CTNND2: variants seen among roughly 807,000 people sequenced by gnomAD.
The protein encoded by CTNND2 is catenin delta 2, also known as catenin delta-2.
A neutral mutation model predicts 144.4 loss-of-function variants in CTNND2; 22 were observed. The observed-to-expected ratio is 0.15, with a 90% CI of 0.11 to 0.22. CTNND2 has a LOEUF of 0.22. Ranked by LOEUF, CTNND2 falls within the 10% of genes least tolerant of loss-of-function variation. CTNND2 has a pLI of 1.00. For missense variants in CTNND2, 1,353 were observed against 1,618.8 expected (o/e 0.84, Z 2.82); for synonymous variants, 751 against 695.6 (o/e 1.08, Z -1.25).
chr5:11,668,960 A>G (rs35955004), intron 2 of CTNND2, among the ~76,000 whole-genome samples: 15,626 of 152,048 alleles, frequency 0.1, 969 homozygotes, highest in African/African-American at 0.16. Flanking sequence ...GTTTATTGAG[A>G]GTTTTAGTAG....
intron 11 of CTNND2, among the ~76,000 whole-genome samples, chr5:11,160,143 TG>T (rs1445347512): frequency 6.6e-6 from 1 of 152,240 alleles, no homozygotes; most frequent in Non-Finnish European, 1.5e-5. Context: ...AGAGCATCTT[TG>T]TCTTACCCAA....
intron 7 of CTNND2, among the ~76,000 whole-genome samples, chr5:11,381,981 A>G (rs912027299): frequency 1.3e-4 from 12 of 91,480 alleles, no homozygotes; most frequent in Non-Finnish European, 2.4e-5. Flanking sequence ...AAACAAAAAA[A>G]CAAAACAAAA....
chr5:11,006,538 C>T (rs190167928), intron 18 of CTNND2, among the ~76,000 whole-genome samples: 29 of 152,308 alleles, frequency 1.9e-4, no homozygotes, highest in African/African-American at 4.3e-4. Context: ...AATAAACTTT[C>T]GTGTAGTTGG....
chr5:11,112,850 T>C (rs1315998743), intron 13 of CTNND2, among the ~76,000 whole-genome samples: 1 of 152,074 alleles, frequency 6.6e-6, no homozygotes, highest in Non-Finnish European at 1.5e-5. Context: ...ATATTAACAG[T>C]ATCATGTACA....
intron 2 of CTNND2, among the ~76,000 whole-genome samples, chr5:11,630,286 C>A (rs1383991190): frequency 6.6e-6 from 1 of 152,168 alleles, no homozygotes; most frequent in Non-Finnish European, 1.5e-5. Context: ...TTGTGATCTG[C>A]AGGAGGATGT....
At chr5:11,861,744 T>C (rs1795513888) in intron 1 of CTNND2, among the ~76,000 whole-genome samples, 2 of 152,194 alleles carry the variant, frequency 1.3e-5, no homozygotes, top group Non-Finnish European at 2.9e-5. Flanking sequence ...CAGAGTCCAC[T>C]TGATGTGTTC....
chr5:11,445,333 A>G (rs989368049), intron 3 of CTNND2, among the ~76,000 whole-genome samples: 3 of 152,162 alleles, frequency 2.0e-5, no homozygotes, highest in Admixed American at 2.0e-4. Context: ...ATCTCATCCT[A>G]ACTTGATTAC....
intron 1 of CTNND2, among the ~76,000 whole-genome samples, chr5:11,835,297 CAG>C (rs924874786): frequency 6.6e-6 from 1 of 152,154 alleles, no homozygotes; most frequent in Non-Finnish European, 1.5e-5. Flanking sequence ...GAGTTGGTAT[CAG>C]GGTAATGTGG....
intron 5 of CTNND2, among the ~76,000 whole-genome samples, chr5:11,402,125 AAAC>A (rs1214463456): frequency 2.4e-4 from 37 of 152,240 alleles, no homozygotes; most frequent in African/African-American, 8.7e-4. Context: ...GCATGCAATA[AAAC>A]AACAACAACA....
intron 16 of CTNND2, among the ~76,000 whole-genome samples, chr5:11,035,802 G>A (rs1031563877): frequency 6.6e-6 from 1 of 150,982 alleles, no homozygotes; most frequent in Non-Finnish European, 1.5e-5. Context: ...GAAAGGTTGA[G>A]AAGAAGTGAA....
intron 2 of CTNND2, among the ~76,000 whole-genome samples, chr5:11,568,589 T>A (rs1442388566): frequency 6.6e-6 from 1 of 152,226 alleles, no homozygotes; most frequent in African/African-American, 2.4e-5. Context: ...ATTTTTCAAC[T>A]GAGGATTAAT....
At chr5:11,169,516 A>C (rs1321213703) in intron 11 of CTNND2, among the ~76,000 whole-genome samples, 1 of 152,200 alleles carries the variant, frequency 6.6e-6, no homozygotes, top group Non-Finnish European at 1.5e-5. Flanking sequence ...AAGGGTATTG[A>C]GCTGTTTACA....
intron 16 of CTNND2, among the ~76,000 whole-genome samples, chr5:11,056,514 C>T (rs1353159703): frequency 6.6e-6 from 1 of 152,142 alleles, no homozygotes; most frequent in Non-Finnish European, 1.5e-5. Flanking sequence ...ACAGGGGTCT[C>T]ACTGTCTTTC....
At chr5:11,546,898 T>C (rs182986618) in intron 3 of CTNND2, among the ~76,000 whole-genome samples, 4 of 152,260 alleles carry the variant, frequency 2.6e-5, no homozygotes, top group Admixed American at 1.3e-4. Context: ...CAGCAGGTAT[T>C]AGGAGAGCTA....
chr5:10,988,008 C>G lies in CTNND2; in HGVS notation c.3343+103G>C, dbSNP rs1738210565. ...TGGACAGCTGCTAAGTCCTGCTCAG[C>G]AGCCAAGCGCAGCCAGCCCCGTGAA... is the stretch of plus-strand genomic sequence containing the variant. On this transcript the variant is annotated intron_variant, in intron 20 of 21. Coordinates refer to ENST00000304623, the MANE Select transcript of CTNND2 (RefSeq NM_001332.4). This position sits in a 1 kb window ranked among gnomAD's most constrained non-coding sequence, Gnocchi z 5.9. 2 of 1,481,066 alleles carry G rather than the reference C, an allele frequency of 1.4e-6. No individual in the cohort carries two copies. The highest frequency in any genetic ancestry group is 4.6e-5 in the East Asian group (2 of 43,944). 91.7% of individuals were successfully genotyped at this position (1,481,066 alleles called of 1,614,324 possible).
chr5:11,688,631 A>T (rs1784762643), intron 2 of CTNND2, among the ~76,000 whole-genome samples: 1 of 152,214 alleles, frequency 6.6e-6, no homozygotes, highest in Admixed American at 6.5e-5. Flanking sequence ...TAGTAACTCC[A>T]TTTTCCAAAT....
Position 11,718,689 on chromosome 5 carries a change from A to T in CTNND2, c.174+13447T>A, listed in dbSNP as rs540095344. Among the ~76,000 whole-genome samples the T allele has an allele frequency of 1.2e-4, 18 of 152,240 alleles. No homozygotes were observed. In the South Asian group the frequency reaches 3.5e-3, roughly 30 times the overall value. On this transcript the variant is annotated intron_variant, in intron 2 of 21. Transcript: ENST00000304623. Reference sequence around the variant, plus strand: ...TTCTCCCAGAACACTGAAATGTAACATGTTGAAGTGTTATCAAGGAGCTTT... The same window carrying T: ...TTCTCCCAGAACACTGAAATGTAACTTGTTGAAGTGTTATCAAGGAGCTTT...
At chr5:11,319,741 G>A (rs1008893868) in intron 9 of CTNND2, among the ~76,000 whole-genome samples, 8 of 152,082 alleles carry the variant, frequency 5.3e-5, no homozygotes, top group Admixed American at 2.0e-4. Context: ...CGCTGGTCTC[G>A]AACTCCTGAC....
rs535560068 is a variant in CTNND2, at chr5:11,325,857, T to C, written c.1628+20515A>G. On this transcript the variant is annotated intron_variant, in intron 9 of 21. Transcript: ENST00000304623. ...GCAACTGGCCAGCATTCCTTCAACATAGGAGACCACTGGCCATGGAGTGGT... is the reference window on the plus strand; with the variant it reads ...GCAACTGGCCAGCATTCCTTCAACACAGGAGACCACTGGCCATGGAGTGGT... Among the ~76,000 whole-genome samples the C allele has an allele frequency of 3.9e-5, 6 of 152,020 alleles. No homozygotes were observed. The South Asian group carries it at 1.0e-3, about 26-fold the overall frequency.
Sources: allele counts gnomAD v4.1 joint callset (sites outside exome capture counted in the v4.1 genomes callset), GRCh38; gene constraint gnomAD v4.1.1; non-coding constraint Gnocchi (gnomAD v3.1); transcripts MANE v1.5; gene names NCBI Gene and HGNC (gene_info 2026-07-23, HGNC 2026-07-21).